ACSF3: variants seen among roughly 807,000 people sequenced by gnomAD.
The protein encoded by ACSF3 is malonate--CoA ligase ACSF3, mitochondrial.
In ACSF3, 78 loss-of-function variants were observed where a neutral mutation model predicts 53.2. The ratio of observed to expected loss-of-function variants is 1.47; its 90% CI spans 1.22 to 1.77. The LOEUF (loss-of-function observed/expected upper bound fraction) is 1.77, where lower values mean the gene tolerates loss of function less well. Ranked by LOEUF, ACSF3 falls within the 40% of genes most tolerant of loss-of-function variation. ACSF3 has a pLI of 0.00. For synonymous variants in ACSF3, 414 were observed against 333.1 expected, an observed-to-expected ratio of 1.24 and a Z score of -2.65; for missense variants, 937 against 771.1, an observed-to-expected ratio of 1.22 and a Z score of -2.55.
Position 89,112,171 on chromosome 16 carries a change from T to C in ACSF3, c.902T>C (p.Met301Thr), listed in dbSNP as rs1300752802. 7.0e-6 allele frequency: 9 copies of C among 1,281,672 alleles called. No homozygotes were observed. The highest frequency in any genetic ancestry group is 8.0e-6 in the Non-Finnish European group (8 of 997,428). 79.4% of individuals were successfully genotyped at this position (1,281,672 alleles called of 1,614,324 possible). The change falls in exon 5 of 11, where the codon ATG (methionine) becomes ACG (threonine). Residue 301 changes from methionine (M) to threonine (T), a missense_variant. Transcript: ENST00000614302. Reference protein sequence around the residue: ...MAVPTIYTKLMEYYDRHFTQP... With the variant: ...MAVPTIYTKLTEYYDRHFTQP... ...GTGCCTACAATATACACCAAGCTGA[T>C]GGAGTACTACGACAGGCATTTTACC...
intron 7 of ACSF3, among the ~76,000 whole-genome samples, chr16:89,127,978 T>C (rs1908484269): frequency 6.6e-6 from 1 of 152,112 alleles, no homozygotes; most frequent in South Asian, 2.1e-4. Flanking sequence ...TTGTTATCCT[T>C]GCTAGAAGTT....
chr16:89,109,251 GAAAAGAAAA>G (rs1399179477), intron 4 of ACSF3, among the ~76,000 whole-genome samples: 8 of 91,732 alleles, frequency 8.7e-5, no homozygotes, highest in Non-Finnish European at 1.8e-4. Flanking sequence ...AAAAAAAAAA[GAAAAGAAAA>G]GAAACTGGCA....
intron 4 of ACSF3, among the ~76,000 whole-genome samples, chr16:89,105,839 G>A (rs1000354399): frequency 1.7e-4 from 26 of 152,194 alleles, no homozygotes; most frequent in African/African-American, 6.0e-4. Flanking sequence ...CCGGAGGGCA[G>A]GTTGGTTCCA....
rs758151085 is a variant in ACSF3, at chr16:89,155,130, G to C, written c.*923G>C. On this transcript the variant is annotated 3_prime_UTR_variant, in exon 11 of 11. Coordinates refer to ENST00000614302, the MANE Select transcript of ACSF3 (RefSeq NM_001243279.3). Reference sequence around the variant, plus strand: ...GCACCCACGTTGCATTTACTTAGCGGGGCCAATTCAGATGCACAGGGGCCA... The same window carrying C: ...GCACCCACGTTGCATTTACTTAGCGCGGCCAATTCAGATGCACAGGGGCCA... 8.8e-6 allele frequency: 4 copies of C among 454,108 alleles called. No homozygotes were observed. Among genetic ancestry groups the C allele is most frequent in the South Asian group, 6.2e-5 (4 of 64,476 alleles). The allele number at this position is 454,108 out of a possible 1,614,324, so 28.1% of individuals were successfully genotyped here. A position where few individuals can be genotyped will look rare whatever the true frequency, so the allele number is the denominator to read the frequency against.
chr16:89,117,051 G>A (rs1285626774), intron 6 of ACSF3, among the ~76,000 whole-genome samples: 2 of 152,224 alleles, frequency 1.3e-5, no homozygotes, highest in South Asian at 2.1e-4. Context: ...TGGACGGAAT[G>A]AGCAAAGCCC....
In ACSF3 at chr16:89,100,651, C is replaced by A. The variant is rs770106565; in HGVS notation, c.-20-11C>A. ...TTGGGCACTCACGTCCTGTGCCTTG[C>A]CTTTCTCCAGCTCGGCCGCCTGTCA... is the stretch of plus-strand genomic sequence containing the variant. On this transcript the variant is annotated splice_polypyrimidine_tract_variant and intron_variant, in intron 2 of 10. Coordinates refer to ENST00000614302, the MANE Select transcript of ACSF3 (RefSeq NM_001243279.3). The A allele has an allele frequency of 1.3e-6, 2 of 1,594,442 alleles. No individual in the cohort carries two copies. Among genetic ancestry groups the A allele is most frequent in the African/African-American group, 1.3e-5 (1 of 74,952 alleles).
intron 7 of ACSF3, among the ~76,000 whole-genome samples, chr16:89,128,836 G>C (rs1479172293): frequency 6.6e-6 from 1 of 152,122 alleles, no homozygotes; most frequent in Non-Finnish European, 1.5e-5. Context: ...CTTGAAAAGA[G>C]TATATATTCT....
At chr16:89,096,464 C>T (rs1029015060) in intron 1 of ACSF3, among the ~76,000 whole-genome samples, 6 of 152,160 alleles carry the variant, frequency 3.9e-5, no homozygotes, top group African/African-American at 1.4e-4. Context: ...AGGCAGGGCT[C>T]TGATCCGATG....
At chr16:89,102,794 A>G in intron 4 of ACSF3, 35 bp downstream of exon 4, 1 of 1,561,980 alleles carries the variant, frequency 6.4e-7, no homozygotes, top group Non-Finnish European at 8.7e-7. Context: ...TTGCACCCTC[A>G]GACTAGGCGC....
At chr16:89,147,312 T>C (rs868714781) in intron 10 of ACSF3, among the ~76,000 whole-genome samples, 2 of 33,032 alleles carry the variant, frequency 6.1e-5, no homozygotes, top group Admixed American at 3.7e-4. Context: ...GAGGGAGGGG[T>C]CACAGAGTGA....
rs1215298421 is a variant in ACSF3, at chr16:89,098,753, T to A, written c.-31T>A. ...CTTCCCCTTACCTCCTCTCTCTGGC[T>A]CGGGAGCTGGGTGAGTTTGAACTTG... On this transcript the variant is annotated 5_prime_UTR_variant, in exon 2 of 11. Transcript: ENST00000614302. The A allele has an allele frequency of 4.4e-6, 2 of 454,032 alleles. No homozygotes were observed. Among genetic ancestry groups the A allele is most frequent in the Non-Finnish European group, 8.8e-6 (2 of 226,794 alleles). 28.1% of individuals were successfully genotyped at this position (454,032 alleles called of 1,614,324 possible).
At chr16:89,112,347 G>A in intron 5 of ACSF3, 101 bp downstream of exon 5, 2 of 1,482,890 alleles carry the variant, frequency 1.3e-6, no homozygotes, top group East Asian at 2.3e-5. Flanking sequence ...GGGAAGCAGT[G>A]CTTTCCATTT....
intron 5 of ACSF3, chr16:89,113,351 A>G (rs1206691709): frequency 6.6e-6 from 1 of 152,208 alleles, no homozygotes; most frequent in Non-Finnish European, 1.5e-5. Flanking sequence ...TCCAAGGCAC[A>G]TGTCTGAACC....
At chr16:89,116,245 C>T (rs190958005) in intron 6 of ACSF3, among the ~76,000 whole-genome samples, 11 of 152,336 alleles carry the variant, frequency 7.2e-5, no homozygotes, top group Admixed American at 3.3e-4. Flanking sequence ...GAAAGTCCGT[C>T]GACTCCTGAG....
At position 89,145,311 on chromosome 16, in the gene ACSF3, C is replaced by T. The variant is rs138680796; in HGVS notation, c.1411C>T (p.Arg471Trp). The T allele has an allele frequency of 1.7e-4, 274 of 1,614,020 alleles. No homozygotes were observed. The highest frequency in any genetic ancestry group is 6.7e-5 in the African/African-American group (5 of 74,900). ...FKDGQYWIRG[R>W]TSVDIIKTGG... ...GGATGGCCAGTACTGGATCCGAGGCCGGACCTCAGTGGACATCATCAAGAC... is the reference window on the plus strand; with the variant it reads ...GGATGGCCAGTACTGGATCCGAGGCTGGACCTCAGTGGACATCATCAAGAC... The change falls in exon 9 of 11, where the codon CGG becomes TGG. Residue 471 changes from arginine to tryptophan, a missense_variant. Arg to Trp is a moderately radical substitution (Grantham distance 101). Coordinates refer to ENST00000614302, the MANE Select transcript of ACSF3 (RefSeq NM_001243279.3).
intron 7 of ACSF3, among the ~76,000 whole-genome samples, chr16:89,127,705 T>C (rs1908428913): frequency 6.6e-6 from 1 of 152,148 alleles, no homozygotes; most frequent in African/African-American, 2.4e-5. Context: ...ATGAATTCAA[T>C]TTCTTTAGTG....
chr16:89,145,371 T>G lies in ACSF3; in HGVS notation c.1471T>G (p.Trp491Gly). ...GYKVSALEVEWHLLAHPSITD... is the reference protein window; with the variant it reads ...GYKVSALEVEGHLLAHPSITD... ...CAAGGTCAGCGCCCTGGAGGTGGAG[T>G]GGCACCTGCTGGCCCACCCCAGCAT... Residue 491 changes from tryptophan (W) to glycine (G), a missense_variant, in exon 9 of 11, where the codon TGG (tryptophan) becomes GGG (glycine). Transcript: ENST00000614302. The G allele has an allele frequency of 6.2e-7, 1 of 1,614,030 alleles. No homozygotes were observed. Among genetic ancestry groups the G allele is most frequent in the Non-Finnish European group, 8.5e-7 (1 of 1,179,964 alleles).
chr16:89,098,292 C>A lies in ACSF3; in HGVS notation c.-193-299C>A, dbSNP rs528038204. Among the ~76,000 whole-genome samples, 12 of 152,272 alleles carry A rather than the reference C, an allele frequency of 7.9e-5. No individual in the cohort carries two copies. The South Asian group carries it at 2.3e-3, about 29-fold the overall frequency. On this transcript the variant is annotated intron_variant, in intron 1 of 10. Transcript: ENST00000614302. ...AAAACTGTTTAGTACAAACCACAGACAATAACACAGTAGCTTTCCCCTCAC... is the reference window on the plus strand; with the variant it reads ...AAAACTGTTTAGTACAAACCACAGAAAATAACACAGTAGCTTTCCCCTCAC...
chr16:89,103,059 A>G (rs902925166), intron 4 of ACSF3, among the ~76,000 whole-genome samples: 1 of 152,264 alleles, frequency 6.6e-6, no homozygotes, highest in East Asian at 1.9e-4. Flanking sequence ...GAGGTTAACA[A>G]TAACAGAACA....
Sources: gnomAD v4.1 joint callset for allele counts (sites outside exome capture counted in the v4.1 genomes callset) on GRCh38, gnomAD v4.1.1 for gene constraint, MANE v1.5 for transcripts, NCBI Gene and HGNC (gene_info 2026-07-23, HGNC 2026-07-21) for gene names.